FARS2: variants seen among roughly 807,000 people sequenced by gnomAD.
FARS2 encodes phenylalanyl-tRNA synthetase 2, mitochondrial, also known as phenylalanine--tRNA ligase, mitochondrial.
In FARS2, 40 loss-of-function variants were observed where a neutral mutation model predicts 46.4. The ratio of observed to expected loss-of-function variants is 0.86; its 90% CI spans 0.67 to 1.12. The LOEUF is 1.12. Among genes scored for constraint, FARS2 ranks in the 50% most tolerant of loss-of-function variants. FARS2 has a pLI of 0.00. For missense variants in FARS2, 513 were observed against 567.9 expected (o/e 0.90, Z 0.98); for synonymous variants, 234 against 214.9 (o/e 1.09, Z -0.78).
At chr6:5,661,170 C>T (rs1977057) in intron 6 of FARS2, among the ~76,000 whole-genome samples, 91,964 of 152,014 alleles carry the variant, frequency 0.6, 30,179 homozygotes, top group South Asian at 0.77. Context: ...TAGTTGAACA[C>T]GAGGGAAGAG....
chr6:5,506,300 G>T (rs1157986257), intron 4 of FARS2, among the ~76,000 whole-genome samples: 2 of 152,138 alleles, frequency 1.3e-5, no homozygotes, highest in African/African-American at 2.4e-5. Flanking sequence ...CAGGGTGTGG[G>T]GTCAGGAGAG....
chr6:5,536,593 A>C (rs1770216193), intron 4 of FARS2, among the ~76,000 whole-genome samples: 1 of 152,184 alleles, frequency 6.6e-6, no homozygotes, highest in African/African-American at 2.4e-5. Flanking sequence ...AGTACAATGA[A>C]AATCAAAATA....
intron 4 of FARS2, among the ~76,000 whole-genome samples, chr6:5,488,332 C>G (rs1286068108): frequency 6.6e-6 from 1 of 152,152 alleles, no homozygotes; most frequent in African/African-American, 2.4e-5. Context: ...TTCACTGGTT[C>G]TATATATATG....
intron 5 of FARS2, among the ~76,000 whole-genome samples, chr6:5,608,508 CT>C (rs1465660721): frequency 6.6e-6 from 1 of 152,084 alleles, no homozygotes; most frequent in Non-Finnish European, 1.5e-5. Flanking sequence ...TCTACTGTAT[CT>C]GTAGTTTTTT....
In FARS2 at chr6:5,630,629, C is replaced by T. The variant is rs528342824; in HGVS notation, c.1217+17309C>T. On this transcript the variant is annotated intron_variant, in intron 6 of 6. Transcript: ENST00000274680. The surrounding 1 kb of genome is among the most constrained non-coding windows in gnomAD (Gnocchi z 4.2). ...AAGTTTCACGTTGCTGTCATTTACC[C>T]GTTCTGATTTTCCTTCCTCGTATAG... 2.4e-4 allele frequency among the ~76,000 whole-genome samples: 37 copies of T among 152,258 alleles called. 1 individual carries two copies. The highest frequency in any genetic ancestry group is 1.8e-3 in the Admixed American group (28 of 15,288).
intron 6 of FARS2, among the ~76,000 whole-genome samples, chr6:5,732,649 C>T (rs756182429): frequency 2.6e-5 from 4 of 152,160 alleles, no homozygotes; most frequent in Non-Finnish European, 5.9e-5. Context: ...GGGCGGAGCC[C>T]GGGAGCAAGA....
chr6:5,440,459 T>C (rs1763778742), intron 4 of FARS2, among the ~76,000 whole-genome samples: 1 of 152,248 alleles, frequency 6.6e-6, no homozygotes, highest in African/African-American at 2.4e-5. Context: ...TTTTTATCCA[T>C]GTGTCCTGTG....
chr6:5,694,904 G>A (rs544677856), intron 6 of FARS2: 2 of 152,058 alleles, frequency 1.3e-5, no homozygotes, highest in Admixed American at 6.5e-5. Flanking sequence ...CCATTGGGGA[G>A]GCTAAGGTGT....
chr6:5,513,702 G>A lies in FARS2; in HGVS notation c.905-31478G>A, dbSNP rs529566712. ...GGGTGATAAGAATGGTAACGTCATA[G>A]TAACTACTGTTTATTAAGCGTTTAG... On this transcript the variant is annotated intron_variant, in intron 4 of 6. Transcript: ENST00000274680. 2.0e-3 allele frequency among the ~76,000 whole-genome samples: 310 copies of A among 152,284 alleles called. 1 individual carries two copies. Among genetic ancestry groups the A allele is most frequent in the Non-Finnish European group, 3.2e-3 (216 of 68,018 alleles).
Position 5,599,777 on chromosome 6 carries a change from A to G in FARS2, c.1066-13392A>G, listed in dbSNP as rs144115804. On this transcript the variant is annotated intron_variant, in intron 5 of 6. Coordinates refer to ENST00000274680, the MANE Select transcript of FARS2 (RefSeq NM_006567.5). ...AATACCTGGCCAGATGTTCAAAGGC[A>G]GTGAAATATTATGAACTCTGGGCTG... Among the ~76,000 whole-genome samples the G allele has an allele frequency of 5.3e-4, 81 of 152,370 alleles. 1 individual carries two copies. Among genetic ancestry groups the G allele is most frequent in the African/African-American group, 1.9e-3 (77 of 41,584 alleles).
intron 4 of FARS2, among the ~76,000 whole-genome samples, chr6:5,511,406 T>C (rs55776619): frequency 0.035 from 5,314 of 152,336 alleles, 143 homozygotes; most frequent in African/African-American, 0.071. Flanking sequence ...AATTTTTAGG[T>C]GCACATGCCT....
intron 4 of FARS2, among the ~76,000 whole-genome samples, chr6:5,534,859 GCACA>G (rs750304235): frequency 8.0e-5 from 12 of 149,870 alleles, no homozygotes; most frequent in African/African-American, 1.5e-4. Context: ...ACTTGCACGC[GCACA>G]CACACACACA....
At chr6:5,298,245 T>C (rs1264257886) in intron 1 of FARS2, among the ~76,000 whole-genome samples, 1 of 152,220 alleles carries the variant, frequency 6.6e-6, no homozygotes, top group Non-Finnish European at 1.5e-5. Flanking sequence ...TCTCCACTGC[T>C]TCTTGTATTG....
At chr6:5,262,919 T>A (rs1012734130) in intron 1 of FARS2, among the ~76,000 whole-genome samples, 1 of 152,196 alleles carries the variant, frequency 6.6e-6, no homozygotes, top group South Asian at 2.1e-4. Flanking sequence ...TCTTAAAGGA[T>A]CCAAGACCAA....
At chr6:5,382,521 T>C (rs1759856918) in intron 2 of FARS2, among the ~76,000 whole-genome samples, 1 of 152,208 alleles carries the variant, frequency 6.6e-6, no homozygotes, top group Non-Finnish European at 1.5e-5. Context: ...TTCTATCATG[T>C]CAATTTACAC....
chr6:5,299,884 A>G (rs764622149), intron 1 of FARS2, among the ~76,000 whole-genome samples: 6 of 152,170 alleles, frequency 3.9e-5, no homozygotes, highest in Non-Finnish European at 1.5e-5. Flanking sequence ...TACAGATTAT[A>G]GGACTTCTCA....
chr6:5,659,503 T>A (rs1023815087), intron 6 of FARS2, among the ~76,000 whole-genome samples: 13 of 152,248 alleles, frequency 8.5e-5, no homozygotes, highest in African/African-American at 3.1e-4. Flanking sequence ...TCCCCTGTAC[T>A]GGTATGCCTT....
chr6:5,256,484 T>G (rs1764673324), upstream of FARS2, among the ~76,000 whole-genome samples: 1 of 55,398 alleles, frequency 1.8e-5, no homozygotes, highest in African/African-American at 7.9e-5. Context: ...GGGCAAGATT[T>G]CAACTGGAAA....
chr6:5,446,066 G>A lies in FARS2; in HGVS notation c.904+14894G>A, dbSNP rs181364230. ...AAATACAAAAAAATTAGCCGGGCGT[G>A]GGGGCGGGCACCTGTAGTCCCAGCT... On this transcript the variant is annotated intron_variant, in intron 4 of 6. Transcript: ENST00000274680. Among the ~76,000 whole-genome samples the A allele has an allele frequency of 2.6e-4, 40 of 152,178 alleles. No homozygotes were observed. In the East Asian group the frequency reaches 6.4e-3, roughly 24 times the overall value.
Sources: allele counts gnomAD v4.1 joint callset (sites outside exome capture counted in the v4.1 genomes callset), GRCh38; gene constraint gnomAD v4.1.1; non-coding constraint Gnocchi (gnomAD v3.1); transcripts MANE v1.5; gene names NCBI Gene and HGNC (gene_info 2026-07-23, HGNC 2026-07-21).